LZTFL1: variants seen among roughly 807,000 people sequenced by gnomAD.
The protein encoded by LZTFL1 is leucine zipper transcription factor-like protein 1.
LZTFL1 carries 25 observed loss-of-function variants against 45.9 expected under a neutral mutation model. The observed-to-expected ratio is 0.54, with a 90% CI of 0.40 to 0.76. The LOEUF is 0.76. LZTFL1 is among the 30% of genes least tolerant of loss of function. The pLI is 0.00. For missense variants in LZTFL1, 277 were observed against 331.1 expected (o/e 0.84, Z 1.27); for synonymous variants, 93 against 117.4 (o/e 0.79, Z 1.35).
At chr3:45,912,814 G>A (rs1026367425) in intron 2 of LZTFL1, among the ~76,000 whole-genome samples, 32 of 152,086 alleles carry the variant, frequency 2.1e-4, no homozygotes, top group Non-Finnish European at 5.9e-5. Flanking sequence ...CTGCATATTC[G>A]TGAGCAAAAT....
At chr3:45,914,804 T>A (rs1181935286) in intron 1 of LZTFL1, among the ~76,000 whole-genome samples, 2 of 152,206 alleles carry the variant, frequency 1.3e-5, no homozygotes, top group Non-Finnish European at 2.9e-5. Context: ...CTCCTTGTCC[T>A]TCTTCCACTG....
chr3:45,857,366 C>A (rs371783869), intron 3 of LZTFL1, among the ~76,000 whole-genome samples: 3 of 151,904 alleles, frequency 2.0e-5, no homozygotes, highest in Non-Finnish European at 4.4e-5. Context: ...TGGGGCCTGT[C>A]GGTGGTGATT....
At chr3:45,897,475 C>T in intron 2 of LZTFL1, 1 of 809,256 alleles carries the variant, frequency 1.2e-6, no homozygotes. Context: ...GGAGTGTTAG[C>T]TGTGCCTGCT....
Position 45,825,445 on chromosome 3 carries a change from A to C in LZTFL1, c.*869T>G, listed in dbSNP as rs1297824656. The stretch of plus-strand genomic sequence containing the variant: ...GAAAATACAATTATTATAGACCCAC[A>C]TAAATAAAGTCTAATCTGAAGTCTG... On this transcript the variant is annotated 3_prime_UTR_variant, in exon 10 of 10. Transcript: ENST00000296135. The C allele has an allele frequency of 6.6e-6, 1 of 152,266 alleles. No homozygotes were observed. The highest frequency in any genetic ancestry group is 1.9e-4 in the East Asian group (1 of 5,208). 9.4% of individuals were successfully genotyped at this position (152,266 alleles called of 1,614,324 possible).
intron 2 of LZTFL1, among the ~76,000 whole-genome samples, chr3:45,883,364 T>C (rs1701897560): frequency 6.6e-6 from 1 of 152,340 alleles, no homozygotes; most frequent in South Asian, 2.1e-4. Context: ...TCATATATCA[T>C]GTTGAGTTAT....
At chr3:45,882,155 A>C (rs1379377976) in intron 2 of LZTFL1, among the ~76,000 whole-genome samples, 1 of 152,244 alleles carries the variant, frequency 6.6e-6, no homozygotes, top group Non-Finnish European at 1.5e-5. Flanking sequence ...TTTAGTCAGA[A>C]GATGTTTAAT....
At position 45,901,104 on chromosome 3, in the gene LZTFL1, A is replaced by G; in HGVS notation, c.-215+12016T>C. ...TCTTGTCACTCTTCCCTTCTGGGCCATTGCTGCTGCTGACCAGTGGAAGTT... is the reference window on the plus strand; with the variant it reads ...TCTTGTCACTCTTCCCTTCTGGGCCGTTGCTGCTGCTGACCAGTGGAAGTT... On this transcript the variant is annotated intron_variant, in intron 2 of 4. Coordinates refer to the LZTFL1 transcript ENST00000472635. The surrounding 1 kb of genome is among the most constrained non-coding windows in gnomAD (Gnocchi z 4.3). The G allele has an allele frequency of 6.2e-7, 1 of 1,614,138 alleles. No individual in the cohort carries two copies. The highest frequency in any genetic ancestry group is 8.5e-7 in the Non-Finnish European group (1 of 1,180,018).
At chr3:45,896,808 T>C (rs752520182) in intron 2 of LZTFL1, among the ~76,000 whole-genome samples, 5 of 152,222 alleles carry the variant, frequency 3.3e-5, no homozygotes, top group Non-Finnish European at 5.9e-5. Context: ...ATCTCCCCCA[T>C]TGCCTTGTGC....
intron 3 of LZTFL1, chr3:45,834,512 G>C: frequency 2.3e-6 from 1 of 426,318 alleles, no homozygotes; most frequent in East Asian, 3.5e-5. Flanking sequence ...CTGGCATTTT[G>C]TATCTACTAG....
chr3:45,857,757 T>C (rs1701416844), intron 3 of LZTFL1, among the ~76,000 whole-genome samples: 1 of 152,234 alleles, frequency 6.6e-6, no homozygotes. Flanking sequence ...CAAAACAAAA[T>C]TGAGAGGAAG....
rs1180234185 is a variant in LZTFL1, at chr3:45,900,150, T to C, written c.-215+12970A>G. Reference sequence around the variant, plus strand: ...GTGCTTAGAAGTGCTGCTTGTTTGATTGAATGCTGGATGTGTTGAAATTCC... The same window carrying C: ...GTGCTTAGAAGTGCTGCTTGTTTGACTGAATGCTGGATGTGTTGAAATTCC... On this transcript the variant is annotated intron_variant, in intron 2 of 4. Coordinates refer to the LZTFL1 transcript ENST00000472635. This position sits in a 1 kb window ranked among gnomAD's most constrained non-coding sequence, Gnocchi z 4.7. 6.6e-6 allele frequency among the ~76,000 whole-genome samples: 1 copy of C among 152,190 alleles called. No homozygotes were observed. The highest frequency in any genetic ancestry group is 1.9e-4 in the East Asian group (1 of 5,184).
chr3:45,885,706 A>G (rs1380099306), intron 2 of LZTFL1, among the ~76,000 whole-genome samples: 1 of 152,220 alleles, frequency 6.6e-6, no homozygotes, highest in African/African-American at 2.4e-5. Context: ...CATGACTGAG[A>G]AACTAGTTAA....
At chr3:45,896,335 T>C (rs951692044) in intron 2 of LZTFL1, among the ~76,000 whole-genome samples, 2 of 152,204 alleles carry the variant, frequency 1.3e-5, no homozygotes, top group African/African-American at 2.4e-5. Flanking sequence ...ACCTCAGTAA[T>C]GACCTGCTCT....
chr3:45,904,433 C>A lies in LZTFL1; in HGVS notation c.-215+8687G>T, dbSNP rs567177568. On this transcript the variant is annotated intron_variant, in intron 2 of 4. Coordinates refer to the LZTFL1 transcript ENST00000472635. ...GACTGGACGCCAATGCTTTTCCCAG[C>A]TTTGGTGTCCAAGGCTTTGGCCTTG... Among the ~76,000 whole-genome samples the A allele has an allele frequency of 2.4e-4, 36 of 152,316 alleles. 1 individual carries two copies. Among genetic ancestry groups the A allele is most frequent in the African/African-American group, 8.2e-4 (34 of 41,566 alleles).
At chr3:45,897,247 G>T (rs905565854) in intron 2 of LZTFL1, among the ~76,000 whole-genome samples, 1 of 152,186 alleles carries the variant, frequency 6.6e-6, no homozygotes, top group Non-Finnish European at 1.5e-5. Flanking sequence ...AGGGGGTGTT[G>T]TTCCAGGATT....
intron 4 of LZTFL1, among the ~76,000 whole-genome samples, chr3:45,853,363 C>CT (rs1246414098): frequency 2.0e-5 from 3 of 152,142 alleles, no homozygotes; most frequent in Admixed American, 2.0e-4. Context: ...GGGGAAACAT[C>CT]TTTTTTTGGG....
intron 2 of LZTFL1, among the ~76,000 whole-genome samples, chr3:45,862,126 T>C (rs754651280): frequency 6.6e-5 from 10 of 152,220 alleles, no homozygotes; most frequent in Non-Finnish European, 2.9e-5. Flanking sequence ...TCTTAGACTC[T>C]GGTGTCACAA....
chr3:45,869,317 A>G (rs1701631973), intron 2 of LZTFL1, among the ~76,000 whole-genome samples: 1 of 152,254 alleles, frequency 6.6e-6, no homozygotes, highest in African/African-American at 2.4e-5. Context: ...TAGACTAGGC[A>G]GAATGTAATC....
In LZTFL1 at chr3:45,901,765, G is replaced by C; in HGVS notation, c.-215+11355C>G. 1 of 1,614,126 alleles carries C rather than the reference G, an allele frequency of 6.2e-7. No individual in the cohort carries two copies. The highest frequency in any genetic ancestry group is 8.5e-7 in the Non-Finnish European group (1 of 1,180,028). ...GTTTTTGTGGGTGAGAGATTCCGCC[G>C]GGATCTCGTGAAAACCCTGAAGAAC... On this transcript the variant is annotated intron_variant, in intron 2 of 4. Coordinates refer to the LZTFL1 transcript ENST00000472635. The surrounding 1 kb of genome is among the most constrained non-coding windows in gnomAD (Gnocchi z 4.3).
Sources: allele counts gnomAD v4.1 joint callset (sites outside exome capture counted in the v4.1 genomes callset), GRCh38; gene constraint gnomAD v4.1.1; non-coding constraint Gnocchi (gnomAD v3.1); transcripts MANE v1.5; gene names NCBI Gene and HGNC (gene_info 2026-07-23, HGNC 2026-07-21).